The following PGS1 variants were observed in gnomAD, a reference collection of about 807,000 sequenced individuals.
The protein encoded by PGS1 is CDP-diacylglycerol--glycerol-3-phosphate 3-phosphatidyltransferase, mitochondrial.
Under a neutral mutation model 58.3 loss-of-function variants are expected in PGS1, and 44 were observed. The observed-to-expected ratio is 0.75, with a 90% CI of 0.59 to 0.97. PGS1 has a LOEUF of 0.97. Among genes scored for constraint, PGS1 ranks in the 50% least tolerant of loss-of-function variants. The pLI, the probability that PGS1 is intolerant of heterozygous loss-of-function variation, is 0.00. For missense variants in PGS1, 684 were observed against 731.1 expected, an observed-to-expected ratio of 0.94 and a Z score of 0.74; for synonymous variants, 330 against 311.0, an observed-to-expected ratio of 1.06 and a Z score of -0.64.
rs182265363 is a variant in PGS1, at chr17:78,424,444, T to C, written c.*394T>C. ...CCTCATCTGTCAGCCTTAATGTCAGTGGCAGGAAGTCATAACTCCAGCTAA... is the reference window on the plus strand; with the variant it reads ...CCTCATCTGTCAGCCTTAATGTCAGCGGCAGGAAGTCATAACTCCAGCTAA... On this transcript the variant is annotated 3_prime_UTR_variant, in exon 10 of 10. Coordinates refer to ENST00000262764, the MANE Select transcript of PGS1 (RefSeq NM_024419.5). 7.4e-4 allele frequency: 280 copies of C among 376,866 alleles called. No homozygotes were observed. Among genetic ancestry groups the C allele is most frequent in the Non-Finnish European group, 1.2e-3 (257 of 207,034 alleles). 23.3% of individuals were successfully genotyped at this position (376,866 alleles called of 1,614,324 possible).
At chr17:78,390,187 C>T (rs1010049324) in intron 1 of PGS1, among the ~76,000 whole-genome samples, 4 of 151,930 alleles carry the variant, frequency 2.6e-5, no homozygotes, top group Admixed American at 1.3e-4. Flanking sequence ...AAGGGTCCTT[C>T]GCTCTCCTCT....
intron 1 of PGS1, among the ~76,000 whole-genome samples, chr17:78,385,540 C>T (rs541946584): frequency 2.6e-5 from 4 of 152,202 alleles, no homozygotes; most frequent in Non-Finnish European, 5.9e-5. Flanking sequence ...CCGCCTGCTT[C>T]GGCCTCCCAA....
chr17:78,389,053 C>CTGTTT (rs2082613064), intron 1 of PGS1, among the ~76,000 whole-genome samples: 1 of 96,008 alleles, frequency 1.0e-5, no homozygotes, highest in Non-Finnish European at 1.9e-5. Context: ...CCTCTTCTTC[C>CTGTTT]TTTTTTTTTT....
rs756378099 is a variant in PGS1, at chr17:78,403,934, A to G, written c.1247A>G (p.Asn416Ser). 6.2e-7 allele frequency: 1 copy of G among 1,614,180 alleles called. No homozygotes were observed. The highest frequency in any genetic ancestry group is 8.5e-7 in the Non-Finnish European group (1 of 1,180,008). ...ATCCTGCTGGCCTCACCAGAGGTGA[A>G]TGGCTTCTTTGGGGCCAAGGGGGTG... ...YQILLASPEVNGFFGAKGVAG... is the reference protein window; with the variant it reads ...YQILLASPEVSGFFGAKGVAG... Residue 416 changes from asparagine (N) to serine (S), a missense_variant, in exon 7 of 10, where the codon AAT (asparagine) becomes AGT (serine). Coordinates refer to ENST00000262764, the MANE Select transcript of PGS1 (RefSeq NM_024419.5).
intron 7 of PGS1, among the ~76,000 whole-genome samples, chr17:78,406,592 T>A (rs968486725): frequency 6.6e-6 from 1 of 152,190 alleles, no homozygotes; most frequent in African/African-American, 2.4e-5. Flanking sequence ...CATCCTGGCA[T>A]GTGTTGTGGC....
intron 9 of PGS1, chr17:78,419,990 AAGGGCTC>A (rs1271829248): frequency 1.7e-6 from 2 of 1,166,198 alleles, no homozygotes; most frequent in Non-Finnish European, 2.1e-6. Context: ...GCCCTGGGGC[AAGGGCTC>A]AGGGATGAGG....
chr17:78,397,946 G>A (rs2083365290), intron 3 of PGS1: 2 of 470,144 alleles, frequency 4.3e-6, no homozygotes, highest in Non-Finnish European at 4.1e-6. Flanking sequence ...TGAAATGTAC[G>A]TGAGACCTGG....
At chr17:78,412,651 C>CT (rs1206816428) in intron 7 of PGS1, among the ~76,000 whole-genome samples, 1 of 152,202 alleles carries the variant, frequency 6.6e-6, no homozygotes, top group Middle Eastern at 3.2e-3. Flanking sequence ...ATTCTGTGGT[C>CT]TAGGAGCTGT....
At chr17:78,386,972 A>ATGG (rs2082431676) in intron 1 of PGS1, among the ~76,000 whole-genome samples, 1 of 122,336 alleles carries the variant, frequency 8.2e-6, no homozygotes, top group African/African-American at 3.0e-5. Context: ...GATGATGATG[A>ATGG]TGATGATGGT....
At position 78,396,288 on chromosome 17, in the gene PGS1, G is replaced by T; in HGVS notation, c.334-20G>T. On this transcript the variant is annotated intron_variant, in intron 2 of 9. Coordinates refer to ENST00000262764, the MANE Select transcript of PGS1 (RefSeq NM_024419.5). ...CATGAAAATGATGAATTTGAATTTTGAATTTTTCTCCTCTCTCAGGGGCAG... is the reference window on the plus strand; with the variant it reads ...CATGAAAATGATGAATTTGAATTTTTAATTTTTCTCCTCTCTCAGGGGCAG... 1 of 1,598,382 alleles carries T rather than the reference G, an allele frequency of 6.3e-7. No individual in the cohort carries two copies. Among genetic ancestry groups the T allele is most frequent in the South Asian group, 1.1e-5 (1 of 90,726 alleles).
At position 78,424,394 on chromosome 17, in the gene PGS1, G is replaced by C. The variant is rs989316563; in HGVS notation, c.*344G>C. 3 of 469,788 alleles carry C rather than the reference G, an allele frequency of 6.4e-6. No homozygotes were observed. The highest frequency in any genetic ancestry group is 3.8e-5 in the African/African-American group (2 of 52,106). The allele number at this position is 469,788 out of a possible 1,614,324, so 29.1% of individuals were successfully genotyped here. On this transcript the variant is annotated 3_prime_UTR_variant, in exon 10 of 10. Coordinates refer to ENST00000262764, the MANE Select transcript of PGS1 (RefSeq NM_024419.5). The stretch of plus-strand genomic sequence containing the variant: ...CAGCTAAAGCCCTCGGGTTCCATCC[G>C]TTTAAATCTGTGGCATTTTCAGAGC...
intron 1 of PGS1, among the ~76,000 whole-genome samples, chr17:78,380,283 G>C (rs867421798): frequency 1.3e-5 from 2 of 152,174 alleles, no homozygotes; most frequent in Admixed American, 1.3e-4. Context: ...TGTACTCCTC[G>C]GGTGAGATTT....
intron 8 of PGS1, among the ~76,000 whole-genome samples, chr17:78,419,329 C>G (rs1205084238): frequency 6.6e-6 from 1 of 152,216 alleles, no homozygotes; most frequent in Non-Finnish European, 1.5e-5. Flanking sequence ...TCTTTAGGAA[C>G]ACGGCTTCTT....
In PGS1 at chr17:78,381,920, G is replaced by A. The variant is rs73382012; in HGVS notation, c.143+3112G>A. On this transcript the variant is annotated intron_variant, in intron 1 of 9. Coordinates refer to ENST00000262764, the MANE Select transcript of PGS1 (RefSeq NM_024419.5). ...ATTCATCATGTGTGTATTGAGCACT[G>A]CTGTGCTGTGCTAGGTACTCAGGAA... Among the ~76,000 whole-genome samples the A allele has an allele frequency of 5.3e-3, 801 of 152,306 alleles. 5 individuals are homozygous for A. Among genetic ancestry groups the A allele is most frequent in the African/African-American group, 0.018 (743 of 41,546 alleles).
At position 78,400,596 on chromosome 17, in the gene PGS1, C is replaced by A; in HGVS notation, c.702-81C>A. The A allele has an allele frequency of 8.3e-7, 1 of 1,203,358 alleles. No homozygotes were observed. Among genetic ancestry groups the A allele is most frequent in the South Asian group, 1.3e-5 (1 of 78,482 alleles). The allele number at this position is 1,203,358 out of a possible 1,614,324, so 74.5% of individuals were successfully genotyped here. A position where few individuals can be genotyped will look rare whatever the true frequency, so the allele number is the denominator to read the frequency against. On this transcript the variant is annotated intron_variant, in intron 5 of 9. Coordinates refer to ENST00000262764, the MANE Select transcript of PGS1 (RefSeq NM_024419.5). The surrounding 1 kb of genome is among the most constrained non-coding windows in gnomAD (Gnocchi z 4.4). ...TGAGTTTGTCACCCCCCTGCTAGTT[C>A]ACCTGAGACCTGGGTCACCAGGACA...
rs185739281 is a variant in PGS1 at position 78,424,354 on chromosome 17, G to T, written c.*304G>T. On this transcript the variant is annotated 3_prime_UTR_variant, in exon 10 of 10. Coordinates refer to ENST00000262764, the MANE Select transcript of PGS1 (RefSeq NM_024419.5). ...TGTTGTAACTACCCCGTCCCGCTGG[G>T]CTCAAGGAACAGCTCAGCTAAAGCC... The T allele has an allele frequency of 9.2e-5, 55 of 598,058 alleles. No individual in the cohort carries two copies. The highest frequency in any genetic ancestry group is 8.5e-4 in the African/African-American group (46 of 54,288). The allele number at this position is 598,058 out of a possible 1,614,324, so 37.0% of individuals were successfully genotyped here.
intron 1 of PGS1, among the ~76,000 whole-genome samples, 188 bp from the exon 2 acceptor site, chr17:78,392,288 A>G (rs936227127): frequency 3.3e-5 from 5 of 152,254 alleles, no homozygotes; most frequent in Admixed American, 6.5e-5. Flanking sequence ...AGGGGGCTGA[A>G]GGAAAAATCC....
intron 7 of PGS1, among the ~76,000 whole-genome samples, chr17:78,413,768 G>A (rs1230828235): frequency 6.6e-6 from 1 of 152,238 alleles, no homozygotes; most frequent in Admixed American, 6.5e-5. Flanking sequence ...AAGTAGTTCT[G>A]ATGGGTGCTG....
At chr17:78,387,257 G>A (rs1013545000) in intron 1 of PGS1, among the ~76,000 whole-genome samples, 85 of 152,104 alleles carry the variant, frequency 5.6e-4, no homozygotes, top group African/African-American at 2.0e-3. Flanking sequence ...GACTGTGCAG[G>A]CCTACCAAAA....
Sources: gnomAD v4.1 joint callset for allele counts (sites outside exome capture counted in the v4.1 genomes callset) on GRCh38, gnomAD v4.1.1 for gene constraint, Gnocchi (gnomAD v3.1) non-coding constraint, MANE v1.5 for transcripts, NCBI Gene and HGNC (gene_info 2026-07-23, HGNC 2026-07-21) for gene names.